The following AUTS2 variants were observed in gnomAD, a reference collection of about 807,000 sequenced individuals.
The protein encoded by AUTS2 is autism susceptibility gene 2 protein.
In AUTS2, 17 loss-of-function variants were observed where a neutral mutation model predicts 112.4. That is an observed-to-expected ratio of 0.15 (90% CI 0.10 to 0.23). AUTS2 has a LOEUF of 0.23. Ranked by LOEUF, AUTS2 falls within the 10% of genes least tolerant of loss-of-function variation. AUTS2 has a pLI of 1.00. For missense variants in AUTS2, 1,510 were observed against 1,701.6 expected, an observed-to-expected ratio of 0.89 and a Z score of 1.98; for synonymous variants, 751 against 702.7, an observed-to-expected ratio of 1.07 and a Z score of -1.09.
At chr7:70,028,794 C>T (rs1800639228) in intron 2 of AUTS2, among the ~76,000 whole-genome samples, 1 of 152,106 alleles carries the variant, frequency 6.6e-6, no homozygotes, top group South Asian at 2.1e-4. Context: ...TCAGAATAAC[C>T]TACTTCCCCT....
chr7:69,836,564 C>T (rs1020481054), intron 1 of AUTS2, among the ~76,000 whole-genome samples: 17 of 151,952 alleles, frequency 1.1e-4, no homozygotes, highest in African/African-American at 3.9e-4. Flanking sequence ...CATTTGAAAG[C>T]CCACAATTTA....
intron 6 of AUTS2, among the ~76,000 whole-genome samples, chr7:70,736,282 C>T (rs1240369784): frequency 6.7e-6 from 1 of 150,264 alleles, no homozygotes; most frequent in Admixed American, 6.6e-5. Flanking sequence ...AAAAAAAAGC[C>T]AGCAGAAAAA....
chr7:69,918,127 C>T (rs1795665270), intron 2 of AUTS2, among the ~76,000 whole-genome samples: 1 of 152,056 alleles, frequency 6.6e-6, no homozygotes, highest in Admixed American at 6.6e-5. Context: ...AGGCTTGAGC[C>T]ACCATGCCCA....
chr7:69,925,155 C>T (rs1795959148), intron 2 of AUTS2, among the ~76,000 whole-genome samples: 1 of 152,156 alleles, frequency 6.6e-6, no homozygotes, highest in Non-Finnish European at 1.5e-5. Context: ...TTCCTCCCCT[C>T]TTCTCTCTCT....
intron 5 of AUTS2, chr7:70,596,335 G>C (rs1214274939): frequency 6.6e-6 from 1 of 152,194 alleles, no homozygotes; most frequent in African/African-American, 2.4e-5. Context: ...AGAGGCGGCG[G>C]ACGGCGTGCC....
In AUTS2 at chr7:69,748,336, T is replaced by C. The variant is rs375902296; in HGVS notation, c.309+148374T>C. Among the ~76,000 whole-genome samples the C allele has an allele frequency of 1.5e-4, 23 of 152,294 alleles. 1 individual carries two copies. In the South Asian group the frequency reaches 3.5e-3, roughly 23 times the overall value. ...TTTTGAAAGGGCTAGGGTAGCCTGG[T>C]GGTTTGGAAAAATTAAAAGTATTGC... On this transcript the variant is annotated intron_variant, in intron 1 of 18. Coordinates refer to ENST00000342771, the MANE Select transcript of AUTS2 (RefSeq NM_015570.4).
Position 70,525,591 on chromosome 7 carries a change from A to T in AUTS2, c.690+89810A>T, listed in dbSNP as rs188714700. ...AGGAGTGAGGGGAAGTACCCAGGAA[A>T]GAGTGACGGGTTATGACTGAGCAAC... is the stretch of plus-strand genomic sequence containing the variant. On this transcript the variant is annotated intron_variant, in intron 5 of 18. Transcript: ENST00000342771. Among the ~76,000 whole-genome samples the T allele has an allele frequency of 3.3e-5, 5 of 152,338 alleles. No homozygotes were observed. In the East Asian group the frequency reaches 9.6e-4, roughly 29 times the overall value.
intron 2 of AUTS2, among the ~76,000 whole-genome samples, chr7:69,900,450 A>G (rs1366558283): frequency 6.6e-6 from 1 of 152,210 alleles, no homozygotes; most frequent in African/African-American, 2.4e-5. Context: ...CAAACAAAAC[A>G]ATGGTTCCCA....
chr7:70,037,673 G>A (rs1173443215), intron 2 of AUTS2, among the ~76,000 whole-genome samples: 1 of 152,038 alleles, frequency 6.6e-6, no homozygotes, highest in Non-Finnish European at 1.5e-5. Context: ...GAGAACATCT[G>A]GAGGCATTTT....
At chr7:70,153,002 A>G (rs1453981020) in intron 4 of AUTS2, among the ~76,000 whole-genome samples, 1 of 152,174 alleles carries the variant, frequency 6.6e-6, no homozygotes, top group Non-Finnish European at 1.5e-5. Context: ...AATTGAGAGA[A>G]CAGTTTGATA....
intron 4 of AUTS2, among the ~76,000 whole-genome samples, chr7:70,276,852 C>T (rs950066667): frequency 2.6e-5 from 4 of 152,062 alleles, no homozygotes; most frequent in African/African-American, 9.7e-5. Flanking sequence ...TAGTAATAGG[C>T]TTGAGTTTCA....
chr7:70,465,192 C>T (rs186580363), intron 5 of AUTS2, among the ~76,000 whole-genome samples: 3 of 152,314 alleles, frequency 2.0e-5, no homozygotes, highest in African/African-American at 7.2e-5. Flanking sequence ...AAGTTTTCTT[C>T]TGCCTCCCCT....
chr7:69,847,099 A>AC (rs1476250253), intron 1 of AUTS2, among the ~76,000 whole-genome samples: 9 of 151,552 alleles, frequency 5.9e-5, no homozygotes, highest in African/African-American at 2.2e-4. Flanking sequence ...CCTCTCCCCT[A>AC]CCCCCCAGTA....
In AUTS2 at chr7:70,095,262, G is replaced by T. The variant is rs576747262; in HGVS notation, c.523-22870G>T. 2.0e-5 allele frequency among the ~76,000 whole-genome samples: 3 copies of T among 152,078 alleles called. No homozygotes were observed. The East Asian group carries it at 5.8e-4, about 29-fold the overall frequency. ...GGATTGGATCACATATTAAGAGTGT[G>T]TGTGTGTGTGTGCGTGCGTGCGCTC... On this transcript the variant is annotated intron_variant, in intron 2 of 18. Coordinates refer to ENST00000342771, the MANE Select transcript of AUTS2 (RefSeq NM_015570.4).
At chr7:70,507,026 G>C (rs562024672) in intron 5 of AUTS2, among the ~76,000 whole-genome samples, 6 of 152,332 alleles carry the variant, frequency 3.9e-5, no homozygotes, top group Admixed American at 6.5e-5. Flanking sequence ...CTGATGCTGA[G>C]TGAGCACCAA....
In AUTS2 at chr7:69,804,288, A is replaced by G. The variant is rs559381266; in HGVS notation, c.310-94998A>G. Among the ~76,000 whole-genome samples the G allele has an allele frequency of 3.3e-5, 5 of 152,320 alleles. No homozygotes were observed. The South Asian group carries it at 6.2e-4, about 19-fold the overall frequency. On this transcript the variant is annotated intron_variant, in intron 1 of 18. Coordinates refer to ENST00000342771, the MANE Select transcript of AUTS2 (RefSeq NM_015570.4). Reference sequence around the variant, plus strand: ...ACGTACACATCTGTAGTTTACTCAAATGGCATTTTCACAAAGCACAGTAGT... The same window carrying G: ...ACGTACACATCTGTAGTTTACTCAAGTGGCATTTTCACAAAGCACAGTAGT...
chr7:70,719,309 G>A (rs576751857), intron 6 of AUTS2, among the ~76,000 whole-genome samples: 1 of 152,292 alleles, frequency 6.6e-6, no homozygotes, highest in African/African-American at 2.4e-5. Context: ...CTGTAAACAA[G>A]AGTATCGCCT....
At chr7:70,456,705 C>G (rs903782332) in intron 5 of AUTS2, among the ~76,000 whole-genome samples, 6 of 152,348 alleles carry the variant, frequency 3.9e-5, no homozygotes, top group African/African-American at 1.4e-4. Context: ...CAGCCTGGCT[C>G]CACTCACTGT....
Position 70,526,040 on chromosome 7 carries a change from AT to A in AUTS2, c.690+90260del, listed in dbSNP as rs1330713631. 5.3e-5 allele frequency among the ~76,000 whole-genome samples: 8 copies of A among 152,272 alleles called. No individual in the cohort carries two copies. In the East Asian group the frequency reaches 1.4e-3, roughly 26 times the overall value. ...CACCCCAAGACAGCTGCTCTTCTGA[AT>A]CCTACCTAGAGAAAAAAAAATAACC... On this transcript the variant is annotated intron_variant, in intron 5 of 18. Transcript: ENST00000342771.
Sources: gnomAD v4.1 joint callset for allele counts (sites outside exome capture counted in the v4.1 genomes callset) on GRCh38, gnomAD v4.1.1 for gene constraint, MANE v1.5 for transcripts, NCBI Gene and HGNC (gene_info 2026-07-23, HGNC 2026-07-21) for gene names.